Variants in UXS1 observed in about 807,000 individuals in gnomAD.
UXS1 encodes UDP-glucuronate decarboxylase 1.
In UXS1, 33 loss-of-function variants were observed where a neutral mutation model predicts 62.6. The ratio of observed to expected loss-of-function variants is 0.53; its 90% CI spans 0.40 to 0.70. UXS1 has a LOEUF of 0.70. Among genes scored for constraint, UXS1 ranks in the 30% least tolerant of loss-of-function variants. The probability of loss-of-function intolerance (pLI) is 0.00; values close to 1 mark genes in which losing one functional copy is unlikely to be tolerated. For missense variants in UXS1, 434 were observed against 556.3 expected (o/e 0.78, Z 2.21); for synonymous variants, 213 against 206.8 (o/e 1.03, Z -0.26).
chr2:106,186,714 A>C (rs1684580073), intron 1 of UXS1, among the ~76,000 whole-genome samples: 1 of 152,136 alleles, frequency 6.6e-6, no homozygotes, highest in South Asian at 2.1e-4. Context: ...GCTACTCAGG[A>C]GCCTGAGGCA....
chr2:106,171,725 G>A (rs764381256), intron 1 of UXS1, among the ~76,000 whole-genome samples: 15 of 152,168 alleles, frequency 9.9e-5, no homozygotes, highest in East Asian at 1.9e-4. Flanking sequence ...CACCATTTCC[G>A]TTTTATACCT....
intron 14 of UXS1, among the ~76,000 whole-genome samples, chr2:106,094,582 C>T (rs1676927283): frequency 6.6e-6 from 1 of 152,132 alleles, no homozygotes. Flanking sequence ...TGATCTGCAT[C>T]TGATCAACAC....
At chr2:106,181,136 G>A (rs1045538172) in intron 1 of UXS1, among the ~76,000 whole-genome samples, 9 of 152,190 alleles carry the variant, frequency 5.9e-5, no homozygotes, top group South Asian at 2.1e-4. Context: ...GGTGGGCTGC[G>A]GAGAGGTCAC....
intron 1 of UXS1, among the ~76,000 whole-genome samples, chr2:106,190,324 G>T (rs1461961553): frequency 6.6e-6 from 1 of 152,080 alleles, no homozygotes; most frequent in Non-Finnish European, 1.5e-5. Context: ...ATGTACAGGG[G>T]CAAAGAGAAG....
Position 106,192,615 on chromosome 2 carries a change from C to T in UXS1, c.94+1533G>A, listed in dbSNP as rs540691188. On this transcript the variant is annotated intron_variant, in intron 1 of 14. Transcript: ENST00000283148. Reference sequence around the variant, plus strand: ...ATCCCCTACTTTATTAATTCTAAACCCTTGCAGCGACTATAGAATACCCCC... The same window carrying T: ...ATCCCCTACTTTATTAATTCTAAACTCTTGCAGCGACTATAGAATACCCCC... 3.3e-5 allele frequency among the ~76,000 whole-genome samples: 5 copies of T among 152,156 alleles called. No homozygotes were observed. The East Asian group carries it at 9.7e-4, about 29-fold the overall frequency.
chr2:106,181,849 C>G (rs192919146), intron 1 of UXS1, among the ~76,000 whole-genome samples: 61 of 152,272 alleles, frequency 4.0e-4, no homozygotes, highest in African/African-American at 1.4e-3. Flanking sequence ...TGGGATCCAA[C>G]GTAACATGTA....
chr2:106,163,518 T>C, intron 4 of UXS1, 149 bp downstream of exon 4: 1 of 486,252 alleles, frequency 2.1e-6, no homozygotes, highest in Non-Finnish European at 3.7e-6. Context: ...CTCCCCATGT[T>C]CTATCTGGGT....
At chr2:106,183,846 G>C (rs1265128456) in intron 1 of UXS1, 2 of 152,140 alleles carry the variant, frequency 1.3e-5, no homozygotes, top group Admixed American at 1.3e-4. Flanking sequence ...AATTGAAACA[G>C]AAGGTTAGAA....
intron 1 of UXS1, among the ~76,000 whole-genome samples, chr2:106,170,590 C>T (rs577342136): frequency 8.7e-4 from 133 of 152,244 alleles, no homozygotes; most frequent in African/African-American, 2.5e-3. Context: ...AGTGTTGTGG[C>T]CTCCTTTCAA....
At chr2:106,109,950 CCTT>C (rs1421775536) in intron 10 of UXS1, among the ~76,000 whole-genome samples, 1 of 152,216 alleles carries the variant, frequency 6.6e-6, no homozygotes, top group Non-Finnish European at 1.5e-5. Flanking sequence ...GGACACACCT[CCTT>C]ATTTCCCTTC....
chr2:106,107,370 T>C (rs1678172794), intron 10 of UXS1, among the ~76,000 whole-genome samples: 1 of 152,176 alleles, frequency 6.6e-6, no homozygotes, highest in Non-Finnish European at 1.5e-5. Context: ...GGCTCACTCA[T>C]CAGAGCAGCG....
intron 6 of UXS1, chr2:106,138,980 G>A: frequency 1.8e-6 from 1 of 564,726 alleles, no homozygotes; most frequent in Non-Finnish European, 2.2e-6. Flanking sequence ...CAAATAACCA[G>A]CAATGAGAGG....
At chr2:106,100,914 T>C (rs1189517927) in intron 12 of UXS1, 144 bp downstream of exon 12, 13 of 1,012,922 alleles carry the variant, frequency 1.3e-5, no homozygotes, top group Non-Finnish European at 1.8e-5. Flanking sequence ...TTTGTTTGTT[T>C]TTCCTCTAGT....
At position 106,162,815 on chromosome 2, in the gene UXS1, T is replaced by C. The variant is rs182985298; in HGVS notation, c.230+852A>G. Reference sequence around the variant, plus strand: ...TGAATGACACATTTTGTTTAATGACTCTTCTCCAGTCGTATTTCCCTTCGA... The same window carrying C: ...TGAATGACACATTTTGTTTAATGACCCTTCTCCAGTCGTATTTCCCTTCGA... On this transcript the variant is annotated intron_variant, in intron 4 of 14. Transcript: ENST00000283148. Among the ~76,000 whole-genome samples the C allele has an allele frequency of 2.6e-5, 4 of 152,348 alleles. No individual in the cohort carries two copies. The East Asian group carries it at 7.7e-4, about 29-fold the overall frequency.
Position 106,131,318 on chromosome 2 carries a change from G to A in UXS1, c.473-1540C>T, listed in dbSNP as rs1244371500. Reference sequence around the variant, plus strand: ...TGAGATCAAACTGCAAGGCGGCAACGAGGCTGGGGGAGGGGCGGCCGCCAT... The same window carrying A: ...TGAGATCAAACTGCAAGGCGGCAACAAGGCTGGGGGAGGGGCGGCCGCCAT... On this transcript the variant is annotated intron_variant, in intron 6 of 14. Coordinates refer to ENST00000283148, the MANE Select transcript of UXS1 (RefSeq NM_001253875.2). Among the ~76,000 whole-genome samples the A allele has an allele frequency of 4.3e-3, 387 of 90,120 alleles. 10 individuals are homozygous for A. The highest frequency in any genetic ancestry group is 0.014 in the African/African-American group (362 of 25,906). The allele number at this position is 90,120 out of a possible 152,430, so 59.1% of individuals were successfully genotyped here.
rs979221451 is a variant in UXS1 at position 106,093,813 on chromosome 2, A to G, written c.*213T>C. On this transcript the variant is annotated 3_prime_UTR_variant, in exon 15 of 15. Coordinates refer to ENST00000283148, the MANE Select transcript of UXS1 (RefSeq NM_001253875.2). Reference sequence around the variant, plus strand: ...GATGCATCTACGCTATTTTACATAAAAAGAGAGATTCAAAAAGTGCAAGGC... The same window carrying G: ...GATGCATCTACGCTATTTTACATAAGAAGAGAGATTCAAAAAGTGCAAGGC... 6 of 559,488 alleles carry G rather than the reference A, an allele frequency of 1.1e-5. No homozygotes were observed. Among genetic ancestry groups the G allele is most frequent in the African/African-American group, 9.8e-5 (5 of 50,970 alleles). The allele number at this position is 559,488 out of a possible 1,614,324, so 34.7% of individuals were successfully genotyped here. A position where few individuals can be genotyped will look rare whatever the true frequency, so the allele number is the denominator to read the frequency against.
At chr2:106,183,794 G>C (rs1684393431) in intron 1 of UXS1, 1 of 152,028 alleles carries the variant, frequency 6.6e-6, no homozygotes. Context: ...ATTTTTACCT[G>C]CAAGGCAAAG....
At chr2:106,152,334 C>T (rs560776543) in intron 5 of UXS1, among the ~76,000 whole-genome samples, 1 of 152,186 alleles carries the variant, frequency 6.6e-6, no homozygotes. Context: ...CACCTGTAAT[C>T]CCAGCTACTT....
intron 7 of UXS1, among the ~76,000 whole-genome samples, chr2:106,127,571 G>A (rs1680066446): frequency 6.6e-6 from 1 of 152,206 alleles, no homozygotes; most frequent in Non-Finnish European, 1.5e-5. Context: ...TGTAGTGTCT[G>A]GGGGTTACGA....
Sources: gnomAD v4.1 joint callset for allele counts (sites outside exome capture counted in the v4.1 genomes callset) on GRCh38, gnomAD v4.1.1 for gene constraint, MANE v1.5 for transcripts, NCBI Gene and HGNC (gene_info 2026-07-23, HGNC 2026-07-21) for gene names.